Variants in AMER3 observed in about 807,000 individuals in gnomAD.
AMER3 encodes family with sequence similarity 123C.
For synonymous variants in AMER3, 541 were observed against 485.5 expected, an observed-to-expected ratio of 1.11 and a Z score of -1.50; for missense variants, 1,201 against 1,139.4, an observed-to-expected ratio of 1.05 and a Z score of -0.78.
chr2:130,762,882 G>A lies in AMER3; in HGVS notation c.810G>A (p.Glu270=), dbSNP rs1448904314. Residue 270 remains glutamate, a synonymous_variant, in exon 2 of 2, where the codon GAG becomes GAA. Coordinates refer to ENST00000321420, the MANE Select transcript of AMER3 (RefSeq NM_152698.3). ...CTCTGGAGCTGAACGAGGGCCCGGA[G>A]AGCCCAACCCAGGCTGCTCAGGGCC... The part of the protein sequence containing the change: ...VPSLELNEGP[E]SPTQAAQGLE... 1.2e-6 allele frequency: 2 copies of A among 1,613,206 alleles called. No individual in the cohort carries two copies. The highest frequency in any genetic ancestry group is 1.3e-5 in the African/African-American group (1 of 74,928).
At position 130,764,281 on chromosome 2, in the gene AMER3, T is replaced by C; in HGVS notation, c.2209T>C (p.Ser737Pro). 2 of 1,609,374 alleles carry C rather than the reference T, an allele frequency of 1.2e-6. No homozygotes were observed. The highest frequency in any genetic ancestry group is 8.5e-7 in the Non-Finnish European group (1 of 1,177,462). The change falls in exon 2 of 2, where the codon TCA becomes CCA. Residue 737 changes from serine (S) to proline (P), a missense_variant. By Grantham distance (74) the Ser-to-Pro change is moderately conservative (BLOSUM62 -1). Coordinates refer to ENST00000321420, the MANE Select transcript of AMER3 (RefSeq NM_152698.3). Reference sequence around the variant, plus strand: ...GACCACCATCCATGGCCTACCCTACTCAGCCAGCACACAGGACCAGAGGTG... The same window carrying C: ...GACCACCATCCATGGCCTACCCTACCCAGCCAGCACACAGGACCAGAGGTG... ...SMTTIHGLPY[S>P]ASTQDQRCRD...
intron 1 of AMER3, among the ~76,000 whole-genome samples, chr2:130,757,433 T>C (rs1027159758): frequency 6.6e-6 from 1 of 150,710 alleles, no homozygotes; most frequent in Admixed American, 6.6e-5. Flanking sequence ...AAGTGAGAAT[T>C]GGCCCGTCAC....
chr2:130,763,637 C>G lies in AMER3; in HGVS notation c.1565C>G (p.Pro522Arg), dbSNP rs1286429233. Residue 522 changes from proline to arginine, a missense_variant, in exon 2 of 2, where the codon CCC (proline) becomes CGC (arginine). Pro to Arg is a moderately radical substitution (Grantham distance 103). Transcript: ENST00000321420. ...LRRGPTPRAP[P>R]TPGQPAAPPG... Reference sequence around the variant, plus strand: ...CGAGGCCCCACGCCCCGTGCCCCACCCACCCCTGGGCAGCCTGCAGCTCCA... The same window carrying G: ...CGAGGCCCCACGCCCCGTGCCCCACGCACCCCTGGGCAGCCTGCAGCTCCA... The G allele has an allele frequency of 1.3e-6, 2 of 1,542,472 alleles. No homozygotes were observed. The highest frequency in any genetic ancestry group is 1.7e-6 in the Non-Finnish European group (2 of 1,145,396).
rs779212501 is a variant in AMER3 at position 130,762,588 on chromosome 2, G to A, written c.516G>A (p.Glu172=). Residue 172 remains glutamate, a synonymous_variant, in exon 2 of 2, where the codon GAG becomes GAA. Coordinates refer to ENST00000321420, the MANE Select transcript of AMER3 (RefSeq NM_152698.3). ...NLFHIRRNKT[E]DLASLAAEGK... ...TCCACATTCGGAGAAACAAGACTGA[G>A]GACTTGGCCTCGCTGGCGGCCGAGG... is the stretch of plus-strand genomic sequence containing the variant. 7 of 1,613,226 alleles carry A rather than the reference G, an allele frequency of 4.3e-6. No homozygotes were observed. Among genetic ancestry groups the A allele is most frequent in the Non-Finnish European group, 8.5e-7 (1 of 1,179,992 alleles).
Position 130,767,259 on chromosome 2 carries a change from C to T in AMER3, c.*2601C>T, listed in dbSNP as rs1450092300. On this transcript the variant is annotated 3_prime_UTR_variant, in exon 2 of 2. Coordinates refer to ENST00000321420, the MANE Select transcript of AMER3 (RefSeq NM_152698.3). ...TTAGCTTCTACCTCAACCAGCACAC[C>T]TCAGCAAGATGCCAGGATTGGGCTC... 6.0e-6 allele frequency: 1 copy of T among 167,312 alleles called. No individual in the cohort carries two copies. The highest frequency in any genetic ancestry group is 1.5e-5 in the Non-Finnish European group (1 of 68,328). The allele number at this position is 167,312 out of a possible 1,614,324, so 10.4% of individuals were successfully genotyped here.
chr2:130,763,806 C>T lies in AMER3; in HGVS notation c.1734C>T (p.Leu578=), dbSNP rs756665890. 10 of 1,611,834 alleles carry T rather than the reference C, an allele frequency of 6.2e-6. No individual in the cohort carries two copies. The highest frequency in any genetic ancestry group is 4.4e-5 in the South Asian group (4 of 90,988). The part of the protein sequence containing the change: ...LWAHPGTTGL[L]AGESKALGGA... ...CACACCCGGGCACCACAGGCCTGCT[C>T]GCCGGAGAGAGCAAGGCCCTCGGAG... Residue 578 remains leucine (L), a synonymous_variant, in exon 2 of 2, where the codon CTC becomes CTT. Coordinates refer to ENST00000321420, the MANE Select transcript of AMER3 (RefSeq NM_152698.3).
At chr2:130,758,095 C>T (rs888381608) in intron 1 of AMER3, among the ~76,000 whole-genome samples, 1 of 152,010 alleles carries the variant, frequency 6.6e-6, no homozygotes, top group African/African-American at 2.4e-5. Context: ...GATCACGCCA[C>T]TGCACTCCAG....
Position 130,762,116 on chromosome 2 carries a change from A to G in AMER3, c.44A>G (p.Gln15Arg), listed in dbSNP as rs1232188594. The part of the protein sequence containing the change: ...RGKTFIKSSL[Q>R]VSHEKPPDPA... ...AAGACCTTCATCAAGTCCAGCCTGC[A>G]GGTTTCCCACGAGAAACCCCCAGAC... The change falls in exon 2 of 2, where the codon CAG (glutamine) becomes CGG (arginine). Residue 15 changes from glutamine (Q) to arginine (R), a missense_variant. Coordinates refer to ENST00000321420, the MANE Select transcript of AMER3 (RefSeq NM_152698.3). 3 of 1,611,188 alleles carry G rather than the reference A, an allele frequency of 1.9e-6. No homozygotes were observed. In the Admixed American group the frequency reaches 5.0e-5, roughly 27 times the overall value.
chr2:130,761,220 C>T (rs968318084), intron 1 of AMER3, among the ~76,000 whole-genome samples: 51 of 152,292 alleles, frequency 3.3e-4, no homozygotes, highest in African/African-American at 9.4e-4. Flanking sequence ...CTAACTGGGC[C>T]GGGACAGTCA....
chr2:130,767,835 T>C lies in AMER3; in HGVS notation c.*3177T>C, dbSNP rs1202799743. 6.0e-6 allele frequency: 1 copy of C among 167,182 alleles called. No individual in the cohort carries two copies. The allele number at this position is 167,182 out of a possible 1,614,324, so 10.4% of individuals were successfully genotyped here. On this transcript the variant is annotated 3_prime_UTR_variant, in exon 2 of 2. Coordinates refer to ENST00000321420, the MANE Select transcript of AMER3 (RefSeq NM_152698.3). ...TGCTGGTGTGACTTGCCCACAGTTA[T>C]TAGTGTGTGAGGTGATGGGTTTTGT...
In AMER3 at chr2:130,766,909, G is replaced by A. The variant is rs1250114334; in HGVS notation, c.*2251G>A. The stretch of plus-strand genomic sequence containing the variant: ...CCCCTACAAACAATGATTTCCCTCC[G>A]CTTGCACTCTCTAACTAGAGCCATG... On this transcript the variant is annotated 3_prime_UTR_variant, in exon 2 of 2. Coordinates refer to ENST00000321420, the MANE Select transcript of AMER3 (RefSeq NM_152698.3). The A allele has an allele frequency of 1.6e-4, 26 of 166,962 alleles. No individual in the cohort carries two copies. The Admixed American group carries it at 1.6e-3, about 10-fold the overall frequency. 10.3% of individuals were successfully genotyped at this position (166,962 alleles called of 1,614,324 possible). A position where few individuals can be genotyped will look rare whatever the true frequency, so the allele number is the denominator to read the frequency against.
At position 130,763,779 on chromosome 2, in the gene AMER3, G is replaced by A. The variant is rs1485559872; in HGVS notation, c.1707G>A (p.Trp569Ter). ...CAGCACCCAGCAGGCAGGAGCTGTGGGCACACCCGGGCACCACAGGCCTGC... is the reference window on the plus strand; with the variant it reads ...CAGCACCCAGCAGGCAGGAGCTGTGAGCACACCCGGGCACCACAGGCCTGC... ...VCSAPSRQELWAHPGTTGLLA... is the reference protein window; with the variant it reads ...VCSAPSRQEL The change falls in exon 2 of 2, where the codon TGG becomes TGA. Residue 569 changes from tryptophan (W) to a stop codon, truncating the protein, a stop_gained. Transcript: ENST00000321420. LOFTEE classifies it low-confidence loss of function (END_TRUNC). The A allele has an allele frequency of 6.2e-7, 1 of 1,604,706 alleles. No homozygotes were observed. Among genetic ancestry groups the A allele is most frequent in the African/African-American group, 1.3e-5 (1 of 74,644 alleles).
In AMER3 at chr2:130,763,177, A is replaced by ACAGGCACCCCCAAGAGCGAG; in HGVS notation, c.1109_1128dup (p.Pro377AlafsTer126). On this transcript the variant is annotated frameshift_variant, in exon 2 of 2. Transcript: ENST00000321420. LOFTEE classifies it low-confidence loss of function (END_TRUNC). ...CGGCTCCAAAGCCAGCTCCATCGACACAGGCACCCCCAAGAGCGAGCAGCC... is the reference window on the plus strand; with the variant it reads ...CGGCTCCAAAGCCAGCTCCATCGACACAGGCACCCCCAAGAGCGAGCAGGCACCCCCAAGAGCGAGCAGCC... The ACAGGCACCCCCAAGAGCGAG allele has an allele frequency of 6.2e-7, 1 of 1,613,644 alleles. No homozygotes were observed. The highest frequency in any genetic ancestry group is 8.5e-7 in the Non-Finnish European group (1 of 1,180,010).
rs776499369 is a variant in AMER3 at position 130,763,471 on chromosome 2, G to A, written c.1399G>A (p.Glu467Lys). ...CATATGCAGCTTCCGAGTGGGGGCCGAGGAGAACTTGGCCCCAGCACCAGG... is the reference window on the plus strand; with the variant it reads ...CATATGCAGCTTCCGAGTGGGGGCCAAGGAGAACTTGGCCCCAGCACCAGG... The part of the protein sequence containing the change: ...LSICSFRVGA[E>K]ENLAPAPGPD... The change falls in exon 2 of 2, where the codon GAG (glutamate) becomes AAG (lysine). Residue 467 changes from glutamate to lysine, a missense_variant. Glu to Lys is a moderately conservative substitution (Grantham distance 56, BLOSUM62 1). Coordinates refer to ENST00000321420, the MANE Select transcript of AMER3 (RefSeq NM_152698.3). The A allele has an allele frequency of 8.1e-6, 13 of 1,612,448 alleles. No individual in the cohort carries two copies. The highest frequency in any genetic ancestry group is 5.0e-5 in the Admixed American group (3 of 59,998).
Position 130,763,425 on chromosome 2 carries a change from G to C in AMER3, c.1353G>C (p.Pro451=). Residue 451 remains proline, a synonymous_variant, in exon 2 of 2, where the codon CCG becomes CCC. Transcript: ENST00000321420. ...GCGTGTCTGAGAGTCTGTCAGGGCC[G>C]GCCCTGGGGACGCCACTGTCCATAT... is the stretch of plus-strand genomic sequence containing the variant. ...DLCVSESLSG[P]ALGTPLSICS... 1.2e-6 allele frequency: 2 copies of C among 1,612,986 alleles called. No individual in the cohort carries two copies. The highest frequency in any genetic ancestry group is 1.1e-5 in the South Asian group (1 of 91,076).
chr2:130,767,064 G>A lies in AMER3; in HGVS notation c.*2406G>A, dbSNP rs913649556. The A allele has an allele frequency of 4.2e-5, 7 of 167,046 alleles. No homozygotes were observed. The highest frequency in any genetic ancestry group is 2.6e-4 in the Admixed American group (4 of 15,280). 10.3% of individuals were successfully genotyped at this position (167,046 alleles called of 1,614,324 possible). ...TTCCCCTTCAGGAAAACTTCGAATG[G>A]GGCTGTGGACCTCACTCCCCAAAAT... On this transcript the variant is annotated 3_prime_UTR_variant, in exon 2 of 2. Coordinates refer to ENST00000321420, the MANE Select transcript of AMER3 (RefSeq NM_152698.3).
rs555066961 is a variant in AMER3 at position 130,764,159 on chromosome 2, C to A, written c.2087C>A (p.Pro696His). 6.2e-7 allele frequency: 1 copy of A among 1,609,108 alleles called. No homozygotes were observed. The highest frequency in any genetic ancestry group is 1.3e-5 in the African/African-American group (1 of 75,004). ...AACGAACAGCCCCCGGCCGCATGGC[C>A]TCCAAGGCAAGACATGGGCAGTGGG... Reference protein sequence around the residue: ...SSNEQPPAAWPPRQDMGSGLF... With the variant: ...SSNEQPPAAWHPRQDMGSGLF... The change falls in exon 2 of 2, where the codon CCT (proline) becomes CAT (histidine). Residue 696 changes from proline to histidine, a missense_variant. Physicochemically the swap from Pro to His is moderately conservative, Grantham distance 77. Coordinates refer to ENST00000321420, the MANE Select transcript of AMER3 (RefSeq NM_152698.3).
intron 1 of AMER3, among the ~76,000 whole-genome samples, chr2:130,756,805 TC>T (rs1678624845): frequency 6.6e-6 from 1 of 151,760 alleles, no homozygotes; most frequent in African/African-American, 2.4e-5. Flanking sequence ...TCTGTTTTAT[TC>T]CCCATTCCCA....
At chr2:130,759,541 G>T in intron 1 of AMER3, among the ~76,000 whole-genome samples, 1 of 152,078 alleles carries the variant, frequency 6.6e-6, no homozygotes. Flanking sequence ...ATCTCATAAT[G>T]AATATTTCCA....
Sources: allele counts gnomAD v4.1 joint callset (sites outside exome capture counted in the v4.1 genomes callset), GRCh38; gene constraint gnomAD v4.1.1; transcripts MANE v1.5; gene names NCBI Gene and HGNC (gene_info 2026-07-23, HGNC 2026-07-21).